Variants in RALGPS2 observed in about 807,000 individuals in gnomAD.
RALGPS2 encodes the protein Ral GEF with PH domain and SH3 binding motif 2, also known as ras-specific guanine nucleotide-releasing factor RalGPS2.
Under a neutral mutation model 86.8 loss-of-function variants are expected in RALGPS2, and 43 were observed. That is an observed-to-expected ratio of 0.50 (90% CI 0.39 to 0.64). RALGPS2 has a LOEUF of 0.64. Ranked by LOEUF, RALGPS2 falls within the 30% of genes least tolerant of loss-of-function variation. The probability of loss-of-function intolerance (pLI) is 0.00; values close to 1 mark genes in which losing one functional copy is unlikely to be tolerated. For synonymous variants in RALGPS2, 243 were observed against 231.3 expected (o/e 1.05, Z -0.46); for missense variants, 536 against 694.6 (o/e 0.77, Z 2.57).
intron 17 of RALGPS2, among the ~76,000 whole-genome samples, chr1:178,898,674 C>T (rs1262612638): frequency 2.0e-5 from 3 of 151,850 alleles, no homozygotes; most frequent in Admixed American, 1.3e-4. Context: ...CCTAATTAAT[C>T]CATGGTTTCA....
intron 6 of RALGPS2, 121 bp downstream of exon 6, chr1:178,811,525 A>C: frequency 1.4e-6 from 1 of 697,520 alleles, no homozygotes; most frequent in Non-Finnish European, 2.3e-6. Context: ...ACTCATTGAT[A>C]TAAGTCAATT....
At chr1:178,838,764 G>A (rs904558164) in intron 8 of RALGPS2, among the ~76,000 whole-genome samples, 6 of 152,174 alleles carry the variant, frequency 3.9e-5, no homozygotes, top group African/African-American at 1.4e-4. Context: ...TAAAAACCTT[G>A]AGAAAAGATC....
At chr1:178,864,670 A>T (rs903629874) in intron 8 of RALGPS2, among the ~76,000 whole-genome samples, 2 of 152,272 alleles carry the variant, frequency 1.3e-5, no homozygotes, top group African/African-American at 4.8e-5. Context: ...TGGAGCATGT[A>T]CTTATTCCTG....
At chr1:178,832,214 C>T (rs573932548) in intron 7 of RALGPS2, among the ~76,000 whole-genome samples, 1 of 152,184 alleles carries the variant, frequency 6.6e-6, no homozygotes, top group African/African-American at 2.4e-5. Flanking sequence ...TGTTTTAGAC[C>T]ATGGAATATC....
At chr1:178,840,748 A>G (rs1250967645) in intron 8 of RALGPS2, among the ~76,000 whole-genome samples, 2 of 152,146 alleles carry the variant, frequency 1.3e-5, no homozygotes, top group Non-Finnish European at 2.9e-5. Flanking sequence ...ATAGACCACT[A>G]GCAAGACTAT....
chr1:178,807,324 G>A (rs1654790576), intron 4 of RALGPS2, among the ~76,000 whole-genome samples: 1 of 152,130 alleles, frequency 6.6e-6, no homozygotes, highest in South Asian at 2.1e-4. Context: ...AACAGAGGAA[G>A]ACCCTGTCTC....
intron 1 of RALGPS2, among the ~76,000 whole-genome samples, chr1:178,727,680 T>G (rs1032332047): frequency 6.6e-6 from 1 of 152,172 alleles, no homozygotes; most frequent in African/African-American, 2.4e-5. Flanking sequence ...TTCAGTGTAG[T>G]GAATGATGGA....
At chr1:178,909,154 A>C (rs1660506312) in intron 19 of RALGPS2, among the ~76,000 whole-genome samples, 2 of 152,230 alleles carry the variant, frequency 1.3e-5, no homozygotes, top group South Asian at 4.1e-4. Flanking sequence ...CATATTGAAT[A>C]GGGAGCCTTT....
chr1:178,765,303 G>A (rs1405992367), intron 1 of RALGPS2, among the ~76,000 whole-genome samples: 1 of 152,110 alleles, frequency 6.6e-6, no homozygotes, highest in African/African-American at 2.4e-5. Context: ...GAAATAAAGG[G>A]AAAGAGTACA....
chr1:178,750,985 G>A (rs920418939), intron 1 of RALGPS2, among the ~76,000 whole-genome samples: 3 of 152,150 alleles, frequency 2.0e-5, no homozygotes, highest in African/African-American at 7.2e-5. Flanking sequence ...ATTGGACAAT[G>A]TATGGCCCTA....
intron 8 of RALGPS2, among the ~76,000 whole-genome samples, chr1:178,871,242 A>G (rs1286130319): frequency 2.0e-5 from 3 of 152,120 alleles, no homozygotes; most frequent in African/African-American, 7.2e-5. Flanking sequence ...GTTTTGAACA[A>G]GGAGAGATTG....
intron 1 of RALGPS2, among the ~76,000 whole-genome samples, chr1:178,766,531 T>C (rs1652516988): frequency 6.6e-6 from 1 of 152,050 alleles, no homozygotes; most frequent in Non-Finnish European, 1.5e-5. Context: ...ACCTAGTCAG[T>C]GTGTCTTTAT....
intron 8 of RALGPS2, chr1:178,851,176 A>T: frequency 6.2e-7 from 1 of 1,613,654 alleles, no homozygotes; most frequent in Non-Finnish European, 8.5e-7. Context: ...AAGGAGTATG[A>T]CCCGCCTCTG....
At chr1:178,806,510 A>C (rs1654751318) in intron 4 of RALGPS2, among the ~76,000 whole-genome samples, 1 of 152,156 alleles carries the variant, frequency 6.6e-6, no homozygotes, top group African/African-American at 2.4e-5. Context: ...AAATTAGCAT[A>C]ACAACATTTT....
intron 19 of RALGPS2, among the ~76,000 whole-genome samples, chr1:178,909,232 G>A (rs796174388): frequency 5.9e-5 from 9 of 152,222 alleles, no homozygotes; most frequent in African/African-American, 2.2e-4. Flanking sequence ...CATTATTTCT[G>A]GGCTCTCTAT....
intron 10 of RALGPS2, among the ~76,000 whole-genome samples, chr1:178,882,680 A>T (rs989201865): frequency 2.0e-5 from 3 of 152,192 alleles, no homozygotes; most frequent in Non-Finnish European, 2.9e-5. Flanking sequence ...TTCTACAACT[A>T]CTTTAGTGTC....
intron 9 of RALGPS2, 36 bp from the exon 10 acceptor site, chr1:178,878,866 A>G: frequency 6.2e-7 from 1 of 1,605,036 alleles, no homozygotes; most frequent in South Asian, 1.1e-5. Flanking sequence ...GTTAAGATGT[A>G]CTTTATCAGA....
intron 6 of RALGPS2, among the ~76,000 whole-genome samples, chr1:178,814,670 G>C (rs1456043242): frequency 6.6e-6 from 1 of 151,982 alleles, no homozygotes; most frequent in Non-Finnish European, 1.5e-5. Flanking sequence ...GGCTGGTCTT[G>C]AACTCCTGTG....
intron 5 of RALGPS2, among the ~76,000 whole-genome samples, chr1:178,809,271 T>C (rs953811293): frequency 6.6e-6 from 1 of 152,170 alleles, no homozygotes; most frequent in Non-Finnish European, 1.5e-5. Context: ...GTGAATTGTT[T>C]TAGTCTGCCT....
Sources: gnomAD v4.1 joint callset for allele counts (sites outside exome capture counted in the v4.1 genomes callset) on GRCh38, gnomAD v4.1.1 for gene constraint, MANE v1.5 for transcripts, NCBI Gene and HGNC (gene_info 2026-07-23, HGNC 2026-07-21) for gene names.